The following OCA2 variants were observed in gnomAD, a reference collection of about 807,000 sequenced individuals.
OCA2 encodes OCA2 melanosomal transmembrane protein.
In OCA2, 77 loss-of-function variants were observed where a neutral mutation model predicts 100.2. That is an observed-to-expected ratio of 0.77 (90% CI 0.64 to 0.93). The LOEUF (loss-of-function observed/expected upper bound fraction) is 0.93, where lower values mean the gene tolerates loss of function less well. OCA2 is among the 40% of genes least tolerant of loss of function. The probability of loss-of-function intolerance (pLI) is 0.00; values close to 1 mark genes in which losing one functional copy is unlikely to be tolerated. For missense variants in OCA2, 1,062 were observed against 1,089.1 expected, an observed-to-expected ratio of 0.98 and a Z score of 0.35; for synonymous variants, 432 against 439.2, an observed-to-expected ratio of 0.98 and a Z score of 0.21.
At chr15:27,735,717 A>G in the OCA2 span, among the ~76,000 whole-genome samples, 1 of 152,018 alleles carries the variant, frequency 6.6e-6, no homozygotes, top group African/African-American at 2.4e-5. Flanking sequence ...TATTAAAAGT[A>G]CTGAAGGAAA....
chr15:28,070,175 C>T (rs1340118978), intron 2 of OCA2, among the ~76,000 whole-genome samples: 1 of 126,626 alleles, frequency 7.9e-6, no homozygotes, highest in African/African-American at 4.2e-5. Context: ...GCAACCACCC[C>T]GTCTGAGAAG....
rs372472127 is a variant in OCA2, at chr15:27,850,285, T to C, written c.2338+1097A>G. Among the ~76,000 whole-genome samples the C allele has an allele frequency of 8.2e-4, 125 of 152,322 alleles. 1 individual carries two copies. Among genetic ancestry groups the C allele is most frequent in the Admixed American group, 1.4e-3 (22 of 15,298 alleles). ...CACCGTTACAGGACGTGTCAGTCTA[T>C]GCTGTAACCTTAGTTTAGGTGACCA... is the stretch of plus-strand genomic sequence containing the variant. On this transcript the variant is annotated intron_variant, in intron 22 of 23. Transcript: ENST00000354638.
intron 2 of OCA2, among the ~76,000 whole-genome samples, chr15:28,076,332 A>G (rs1481846733): frequency 3.3e-5 from 5 of 152,220 alleles, no homozygotes; most frequent in Non-Finnish European, 5.9e-5. Context: ...TAAATAATTT[A>G]TCTTCATTAT....
chr15:27,892,867 G>C (rs2037522131), intron 19 of OCA2, among the ~76,000 whole-genome samples: 1 of 152,110 alleles, frequency 6.6e-6, no homozygotes, highest in Non-Finnish European at 1.5e-5. Context: ...TATCAGGAAT[G>C]AAATAGGAAA....
At chr15:28,078,586 C>A (rs2044510351) in intron 2 of OCA2, among the ~76,000 whole-genome samples, 1 of 152,186 alleles carries the variant, frequency 6.6e-6, no homozygotes, top group South Asian at 2.1e-4. Context: ...CAGGAAGAAC[C>A]ACACCCGGCC....
intron 19 of OCA2, among the ~76,000 whole-genome samples, chr15:27,920,431 G>T (rs2038816627): frequency 6.6e-6 from 1 of 152,016 alleles, no homozygotes; most frequent in Non-Finnish European, 1.5e-5. Flanking sequence ...CAAATTCAGG[G>T]AGATAAATCA....
chr15:27,753,947 T>C (rs1291611262), downstream of OCA2, among the ~76,000 whole-genome samples: 1 of 151,870 alleles, frequency 6.6e-6, no homozygotes, highest in Non-Finnish European at 1.5e-5. Flanking sequence ...TCCCCAGCCA[T>C]CCTGATGTGG....
the OCA2 span, among the ~76,000 whole-genome samples, chr15:27,724,674 C>T: frequency 6.6e-5 from 10 of 152,208 alleles, no homozygotes; most frequent in Admixed American, 3.9e-4. Flanking sequence ...CATCAGAGTC[C>T]GGAACCCTGA....
chr15:28,077,308 C>T (rs2044464260), intron 2 of OCA2, among the ~76,000 whole-genome samples: 1 of 152,162 alleles, frequency 6.6e-6, no homozygotes, highest in South Asian at 2.1e-4. Flanking sequence ...ATCCACCTGC[C>T]TCAGCCTCCC....
At chr15:27,724,549 T>G in the OCA2 span, among the ~76,000 whole-genome samples, 4 of 152,074 alleles carry the variant, frequency 2.6e-5, no homozygotes, top group Admixed American at 6.5e-5. Flanking sequence ...ATTTCTTTTT[T>G]GAAGGGACAC....
At chr15:28,070,131 G>A (rs1437006849) in intron 2 of OCA2, among the ~76,000 whole-genome samples, 3 of 114,424 alleles carry the variant, frequency 2.6e-5, no homozygotes, top group South Asian at 3.1e-4. Flanking sequence ...CTGCCCGGCC[G>A]CCCCGTCTGA....
At chr15:27,817,837 G>T (rs142927091) in intron 23 of OCA2, among the ~76,000 whole-genome samples, 150 of 152,212 alleles carry the variant, frequency 9.9e-4, no homozygotes, top group African/African-American at 3.3e-3. Flanking sequence ...AAGGGCCCAC[G>T]CTTTTACATA....
chr15:27,917,670 G>A (rs986046299), intron 19 of OCA2, among the ~76,000 whole-genome samples: 25 of 152,132 alleles, frequency 1.6e-4, no homozygotes, highest in Non-Finnish European at 3.1e-4. Context: ...ATAGAGGGGG[G>A]AAGCAAGGTG....
At chr15:27,961,878 C>A (rs2040421738) in intron 15 of OCA2, among the ~76,000 whole-genome samples, 1 of 152,040 alleles carries the variant, frequency 6.6e-6, no homozygotes, top group African/African-American at 2.4e-5. Flanking sequence ...AGCAAACCAC[C>A]ATGGCATGTG....
rs1384137006 is a variant in OCA2 at position 27,998,205 on chromosome 15, A to C, written c.1045-7558T>G. ...AAGACAAAATTGACAAATGGGATCT[A>C]ATTAAACTAAAGAGCTTCTGCACAG... is the stretch of plus-strand genomic sequence containing the variant. On this transcript the variant is annotated intron_variant, in intron 9 of 23. Coordinates refer to ENST00000354638, the MANE Select transcript of OCA2 (RefSeq NM_000275.3). Among the ~76,000 whole-genome samples, 5 of 90,498 alleles carry C rather than the reference A, an allele frequency of 5.5e-5. 1 individual carries two copies. 59.4% of individuals were successfully genotyped at this position (90,498 alleles called of 152,430 possible).
intron 18 of OCA2, among the ~76,000 whole-genome samples, chr15:27,927,384 A>G (rs1422576971): frequency 6.6e-6 from 1 of 152,224 alleles, no homozygotes; most frequent in Non-Finnish European, 1.5e-5. Context: ...CTATATTACA[A>G]TGTACATACC....
At position 28,078,075 on chromosome 15, in the gene OCA2, C is replaced by T. The variant is rs921424781; in HGVS notation, c.227+3573G>A. 8.5e-5 allele frequency among the ~76,000 whole-genome samples: 13 copies of T among 152,180 alleles called. 1 individual carries two copies. Among genetic ancestry groups the T allele is most frequent in the Admixed American group, 7.9e-4 (12 of 15,282 alleles). ...GCCTGGGTGACAACGTTGAATTGAACTTACAAATAAATGCAAAACTGGACA... is the reference window on the plus strand; with the variant it reads ...GCCTGGGTGACAACGTTGAATTGAATTTACAAATAAATGCAAAACTGGACA... On this transcript the variant is annotated intron_variant, in intron 2 of 23. Transcript: ENST00000354638.
intron 23 of OCA2, among the ~76,000 whole-genome samples, chr15:27,800,802 C>CA (rs36031742): frequency 0.44 from 60,327 of 137,670 alleles, 14,353 homozygotes; most frequent in South Asian, 0.7. Flanking sequence ...CTATCTCTAC[C>CA]AAAAAAAAAA....
At chr15:27,958,330 C>T (rs1161207434) in intron 15 of OCA2, among the ~76,000 whole-genome samples, 1 of 152,234 alleles carries the variant, frequency 6.6e-6, no homozygotes, top group South Asian at 2.1e-4. Flanking sequence ...GGAAATATTT[C>T]GGATCTGCTT....
Sources: allele counts gnomAD v4.1 joint callset (sites outside exome capture counted in the v4.1 genomes callset), GRCh38; gene constraint gnomAD v4.1.1; transcripts MANE v1.5; gene names NCBI Gene and HGNC (gene_info 2026-07-23, HGNC 2026-07-21).